Variants in EXD1 observed in about 807,000 individuals in gnomAD.
The protein encoded by EXD1 is exonuclease 3'-5' domain containing 1, also known as piRNA biogenesis protein EXD1.
EXD1 carries 63 observed loss-of-function variants against 49.1 expected under a neutral mutation model. The observed-to-expected ratio is 1.28, with a 90% CI of 1.05 to 1.58. The LOEUF (loss-of-function observed/expected upper bound fraction) is 1.58. EXD1 is among the 40% of genes most tolerant of loss of function. The pLI is 0.00. For missense variants in EXD1, 748 were observed against 666.0 expected, an observed-to-expected ratio of 1.12 and a Z score of -1.36; for synonymous variants, 234 against 239.2, an observed-to-expected ratio of 0.98 and a Z score of 0.20.
intron 4 of EXD1, 60 bp from the exon 5 acceptor site, chr15:41,216,855 A>G (rs1566991622): frequency 1.9e-6 from 3 of 1,598,126 alleles, no homozygotes; most frequent in Non-Finnish European, 2.6e-6. Flanking sequence ...CACCAAAAAC[A>G]GATTTTGCCA....
rs1363053251 is a variant in EXD1 at position 41,201,855 on chromosome 15, C to CA, written c.535-5819dup. On this transcript the variant is annotated intron_variant, in intron 7 of 11. Coordinates refer to ENST00000458580, the MANE Select transcript of EXD1 (RefSeq NM_001286441.2). ...GGATGATCTACTAAGAGAGTAAAGA[C>CA]AAAAAACATCCAAACGCCAGGCGTG... is the stretch of plus-strand genomic sequence containing the variant. 2.6e-5 allele frequency among the ~76,000 whole-genome samples: 4 copies of CA among 152,028 alleles called. No individual in the cohort carries two copies. The South Asian group carries it at 8.3e-4, about 32-fold the overall frequency.
At chr15:41,219,997 TA>T (rs1338594055) in intron 2 of EXD1, 99 bp from the exon 3 acceptor site, 31,708 of 577,726 alleles carry the variant, frequency 0.055, no homozygotes, top group South Asian at 0.068. Flanking sequence ...GAGTTGTATT[TA>T]AAAAAAAAAA....
At chr15:41,192,291 ACTTT>A (rs1390519995) in intron 9 of EXD1, 1 of 152,048 alleles carries the variant, frequency 6.6e-6, no homozygotes, top group African/African-American at 2.4e-5. Context: ...TTCCTTAACT[ACTTT>A]CTTTTTTCTT....
intron 3 of EXD1, among the ~76,000 whole-genome samples, chr15:41,217,922 G>A (rs1415495025): frequency 6.6e-6 from 1 of 152,172 alleles, no homozygotes; most frequent in Non-Finnish European, 1.5e-5. Flanking sequence ...CTGGAGCAGA[G>A]AAAAGGTAAA....
intron 6 of EXD1, among the ~76,000 whole-genome samples, chr15:41,214,765 A>G (rs2046975657): frequency 6.7e-6 from 1 of 148,610 alleles, no homozygotes; most frequent in Non-Finnish European, 1.5e-5. Flanking sequence ...TTTTTTTTTG[A>G]GATGGAGTCT....
rs1423846679 is a variant in EXD1 at position 41,230,745 on chromosome 15, T to A, written c.-320A>T. The A allele has an allele frequency of 1.7e-6, 1 of 583,826 alleles. No individual in the cohort carries two copies. The highest frequency in any genetic ancestry group is 3.0e-6 in the Non-Finnish European group (1 of 334,130). 36.2% of individuals were successfully genotyped at this position (583,826 alleles called of 1,614,324 possible). On this transcript the variant is annotated 5_prime_UTR_variant, in exon 1 of 12. Transcript: ENST00000458580. ...GAGGCGACGCCCGCCCGGCCCAACG[T>A]CCAGTCTCGTCTGTTTCCCGAGGAG...
rs59054803 is a variant in EXD1 at position 41,192,594 on chromosome 15, A to AT, written c.721-1010dup. On this transcript the variant is annotated intron_variant, in intron 9 of 11. Coordinates refer to ENST00000458580, the MANE Select transcript of EXD1 (RefSeq NM_001286441.2). The stretch of plus-strand genomic sequence containing the variant: ...ACAGGCGTGAACCACTGCGCCAGGC[A>AT]TTTTTTTTTTTTTTTTTTTTTTTTT... 2.0e-3 allele frequency among the ~76,000 whole-genome samples: 80 copies of AT among 40,874 alleles called. 24 individuals are homozygous for AT. The highest frequency in any genetic ancestry group is 4.7e-3 in the African/African-American group (63 of 13,496). The allele number at this position is 40,874 out of a possible 152,430, so 26.8% of individuals were successfully genotyped here. A position where few individuals can be genotyped will look rare whatever the true frequency, so the allele number is the denominator to read the frequency against.
chr15:41,214,348 T>C (rs900933472), intron 6 of EXD1, among the ~76,000 whole-genome samples: 2 of 151,364 alleles, frequency 1.3e-5, no homozygotes, highest in Non-Finnish European at 2.9e-5. Context: ...CCATCTCTAC[T>C]ACTAAAAATA....
chr15:41,229,769 AAACAAC>A (rs150026444), intron 1 of EXD1, among the ~76,000 whole-genome samples: 2 of 151,606 alleles, frequency 1.3e-5, no homozygotes, highest in African/African-American at 2.4e-5. Flanking sequence ...ACTCCGTCTC[AAACAAC>A]AACAACAACA....
chr15:41,208,985 C>G (rs947124482), intron 7 of EXD1, among the ~76,000 whole-genome samples: 1 of 129,384 alleles, frequency 7.7e-6, no homozygotes, highest in Non-Finnish European at 1.5e-5. Context: ...TGCTACTGAG[C>G]TTAAAAAAAA....
chr15:41,195,755 C>T lies in EXD1; in HGVS notation c.720+20G>A. On this transcript the variant is annotated intron_variant, in intron 9 of 11. Coordinates refer to ENST00000458580, the MANE Select transcript of EXD1 (RefSeq NM_001286441.2). ...GGAGCTGTATATACTGGTTTGAATC[C>T]AGTGCTTCCCTTCATGTACCTGTGT... 1 of 1,602,614 alleles carries T rather than the reference C, an allele frequency of 6.2e-7. No homozygotes were observed. The highest frequency in any genetic ancestry group is 8.5e-7 in the Non-Finnish European group (1 of 1,174,146).
At position 41,222,698 on chromosome 15, in the gene EXD1, G is replaced by A. The variant is rs182642610; in HGVS notation, c.134-2800C>T. 1.4e-4 allele frequency among the ~76,000 whole-genome samples: 21 copies of A among 149,118 alleles called. No individual in the cohort carries two copies. The East Asian group carries it at 3.8e-3, about 27-fold the overall frequency. On this transcript the variant is annotated intron_variant, in intron 2 of 11. Coordinates refer to ENST00000458580, the MANE Select transcript of EXD1 (RefSeq NM_001286441.2). The stretch of plus-strand genomic sequence containing the variant: ...TCACGGCTATAATCTCAGCACTTTG[G>A]GAGGCTGAGGCGGAAGGATCACAAG...
At chr15:41,209,365 T>C in intron 7 of EXD1, 136 bp downstream of exon 7, 3 of 724,942 alleles carry the variant, frequency 4.1e-6, no homozygotes, top group Non-Finnish European at 6.9e-6. Flanking sequence ...TGCAGTGATC[T>C]ATGATCTGCA....
intron 6 of EXD1, among the ~76,000 whole-genome samples, chr15:41,212,415 A>G (rs1484373795): frequency 2.0e-5 from 3 of 152,154 alleles, no homozygotes; most frequent in Non-Finnish European, 4.4e-5. Context: ...AGATGGTGCC[A>G]CTGCACTCCA....
chr15:41,228,168 C>CT (rs1428227844), intron 1 of EXD1, among the ~76,000 whole-genome samples: 1 of 152,104 alleles, frequency 6.6e-6, no homozygotes, highest in East Asian at 1.9e-4. Flanking sequence ...TATTTAGAAA[C>CT]TTAGATAAGT....
At chr15:41,226,746 C>A in intron 1 of EXD1, 118 bp from the exon 2 acceptor site, 1 of 841,172 alleles carries the variant, frequency 1.2e-6, no homozygotes, top group Non-Finnish European at 1.7e-6. Context: ...CAGTTTTGTT[C>A]ATCTTTTTGG....
chr15:41,204,002 T>C (rs1222266905), intron 7 of EXD1, among the ~76,000 whole-genome samples: 1 of 149,170 alleles, frequency 6.7e-6, no homozygotes, highest in Non-Finnish European at 1.5e-5. Flanking sequence ...TCCCAGCACT[T>C]TGGGAGGCCA....
chr15:41,186,256 G>C (rs1016778339), intron 11 of EXD1, among the ~76,000 whole-genome samples: 2 of 152,022 alleles, frequency 1.3e-5, no homozygotes, highest in Admixed American at 6.6e-5. Flanking sequence ...TGGATCACTT[G>C]AGGTCAGGAT....
At chr15:41,229,323 C>T (rs535991346) in intron 1 of EXD1, among the ~76,000 whole-genome samples, 1 of 152,158 alleles carries the variant, frequency 6.6e-6, no homozygotes, top group African/African-American at 2.4e-5. Flanking sequence ...ACTAAAAATA[C>T]AAAAATTAGC....
Sources: allele counts gnomAD v4.1 joint callset (sites outside exome capture counted in the v4.1 genomes callset), GRCh38; gene constraint gnomAD v4.1.1; transcripts MANE v1.5; gene names NCBI Gene and HGNC (gene_info 2026-07-23, HGNC 2026-07-21).